Variants in CCDC102A observed in about 807,000 individuals in gnomAD.
CCDC102A encodes the protein coiled-coil domain-containing protein 102A.
Under a neutral mutation model 55.5 loss-of-function variants are expected in CCDC102A, and 40 were observed. That is an observed-to-expected ratio of 0.72 (90% confidence interval 0.56 to 0.94). CCDC102A has a LOEUF of 0.94. Ranked by LOEUF, CCDC102A falls within the 40% of genes least tolerant of loss-of-function variation. The probability of loss-of-function intolerance (pLI) is 0.00; values close to 1 mark genes in which losing one functional copy is unlikely to be tolerated. For synonymous variants in CCDC102A, 323 were observed against 339.0 expected (o/e 0.95, Z 0.52); for missense variants, 779 against 768.6 (o/e 1.01, Z -0.16).
chr16:57,526,974 G>A (rs921559497), intron 2 of CCDC102A, among the ~76,000 whole-genome samples: 1 of 152,196 alleles, frequency 6.6e-6, no homozygotes, highest in Non-Finnish European at 1.5e-5. Context: ...CAGACTGCAA[G>A]CCTAGGGCTC....
intron 7 of CCDC102A, 126 bp from the exon 8 acceptor site, chr16:57,515,570 T>TA: frequency 1.5e-6 from 1 of 686,066 alleles, no homozygotes; most frequent in Admixed American, 2.1e-5. Context: ...GTTTGCTCCT[T>TA]GAGGCCTAGG....
At chr16:57,525,857 C>A in intron 3 of CCDC102A, 44 bp downstream of exon 3, 1 of 1,554,758 alleles carries the variant, frequency 6.4e-7, no homozygotes, top group Non-Finnish European at 8.8e-7. Context: ...CGTTGTAGCA[C>A]GGCCTGGCCC....
intron 8 of CCDC102A, among the ~76,000 whole-genome samples, chr16:57,514,612 A>G (rs1456221743): frequency 7.2e-5 from 11 of 152,214 alleles, no homozygotes; most frequent in African/African-American, 2.2e-4. Context: ...GGTTAAATAA[A>G]TGTCCCAAGG....
At chr16:57,527,769 A>G (rs1414167354) in intron 2 of CCDC102A, among the ~76,000 whole-genome samples, 1 of 152,220 alleles carries the variant, frequency 6.6e-6, no homozygotes, top group East Asian at 1.9e-4. Context: ...TGGAGCAAAT[A>G]TCTTAGAGGG....
intron 1 of CCDC102A, among the ~76,000 whole-genome samples, chr16:57,533,111 A>C (rs1598081760): frequency 6.6e-6 from 1 of 152,178 alleles, no homozygotes; most frequent in African/African-American, 2.4e-5. Flanking sequence ...CCCATGCTAA[A>C]GGCAGAGATG....
chr16:57,525,605 C>A (rs1469537507), intron 3 of CCDC102A, among the ~76,000 whole-genome samples: 2 of 152,126 alleles, frequency 1.3e-5, no homozygotes, highest in African/African-American at 2.4e-5. Context: ...GCCCACAGCC[C>A]TCTCCCCCAA....
At position 57,525,939 on chromosome 16, in the gene CCDC102A, C is replaced by G; in HGVS notation, c.774G>C (p.Arg258=). The change falls in exon 3 of 9, where the codon CGG becomes CGC. Residue 258 remains arginine (R), a synonymous_variant. Transcript: ENST00000258214. ...EASKLTALRL[R]LDESQKVLLK... ...GCAGCACCTTCTGGGACTCATCCAG[C>G]CGTAGCCGCAGGGCGGTCAACTTGG... The G allele has an allele frequency of 6.2e-7, 1 of 1,612,534 alleles. No individual in the cohort carries two copies. The highest frequency in any genetic ancestry group is 1.7e-5 in the Admixed American group (1 of 59,444).
Position 57,529,607 on chromosome 16 carries a change from T to C in CCDC102A, c.-147-283A>G, listed in dbSNP as rs1204894040. On this transcript the variant is annotated intron_variant, in intron 1 of 8. Transcript: ENST00000258214. This position sits in a 1 kb window ranked among gnomAD's most constrained non-coding sequence, Gnocchi z 4.1. ...GCTCACACACTGATGGCTTATACTA[T>C]ACTACTATGCAACTTCCGCACAGGA... 6.6e-6 allele frequency among the ~76,000 whole-genome samples: 1 copy of C among 152,210 alleles called. No individual in the cohort carries two copies. The highest frequency in any genetic ancestry group is 2.1e-4 in the South Asian group (1 of 4,828).
intron 1 of CCDC102A, among the ~76,000 whole-genome samples, chr16:57,530,455 C>T (rs1317171696): frequency 3.3e-5 from 5 of 152,330 alleles, no homozygotes; most frequent in African/African-American, 1.2e-4. Context: ...GCCCCTAAGA[C>T]CCACCCTTTC....
chr16:57,517,944 C>A, intron 6 of CCDC102A, 124 bp downstream of exon 6: 1 of 1,122,384 alleles, frequency 8.9e-7, no homozygotes, highest in South Asian at 1.5e-5. Flanking sequence ...GTCTAGCACA[C>A]AAGGTGCTGA....
intron 3 of CCDC102A, among the ~76,000 whole-genome samples, chr16:57,523,027 C>T (rs1316963440): frequency 2.0e-5 from 3 of 152,132 alleles, no homozygotes; most frequent in Admixed American, 1.3e-4. Context: ...ATTAGCTGGG[C>T]GTGGTGGTGT....
At chr16:57,535,141 T>TATTC (rs1349203962) in intron 1 of CCDC102A, among the ~76,000 whole-genome samples, 2 of 152,020 alleles carry the variant, frequency 1.3e-5, no homozygotes, top group African/African-American at 4.8e-5. Context: ...GACAGCCTGA[T>TATTC]TGAATAAGTG....
At chr16:57,532,928 G>A (rs184329519) in intron 1 of CCDC102A, among the ~76,000 whole-genome samples, 2 of 152,204 alleles carry the variant, frequency 1.3e-5, no homozygotes, top group Non-Finnish European at 2.9e-5. Context: ...TGCAGCCGCT[G>A]AACTAGGAGC....
In CCDC102A at chr16:57,516,174, G is replaced by T. The variant is rs2031951353; in HGVS notation, c.1419+119C>A. 2 of 1,021,258 alleles carry T rather than the reference G, an allele frequency of 2.0e-6. No homozygotes were observed. The highest frequency in any genetic ancestry group is 1.6e-5 in the African/African-American group (1 of 62,928). 63.3% of individuals were successfully genotyped at this position (1,021,258 alleles called of 1,614,324 possible). A position where few individuals can be genotyped will look rare whatever the true frequency, so the allele number is the denominator to read the frequency against. On this transcript the variant is annotated intron_variant, in intron 7 of 8. Transcript: ENST00000258214. The surrounding 1 kb of genome is among the most constrained non-coding windows in gnomAD (Gnocchi z 4.4). ...ACCCACTCTATCCTGGGCGACTCCTGAGAGACAGGCTTGTGCCAGGCACCA... is the reference window on the plus strand; with the variant it reads ...ACCCACTCTATCCTGGGCGACTCCTTAGAGACAGGCTTGTGCCAGGCACCA...
chr16:57,512,186 A>G lies in CCDC102A; in HGVS notation c.*555T>C, dbSNP rs2031873232. 2 of 362,394 alleles carry G rather than the reference A, an allele frequency of 5.5e-6. No individual in the cohort carries two copies. The highest frequency in any genetic ancestry group is 4.7e-5 in the Admixed American group (1 of 21,492). The allele number at this position is 362,394 out of a possible 1,614,324, so 22.4% of individuals were successfully genotyped here. ...CATTCATTCATTCTTTCTTCTTCAC[A>G]TTCACTCATTTATTAAGTTACTTGA... On this transcript the variant is annotated 3_prime_UTR_variant, in exon 9 of 9. Transcript: ENST00000258214.
chr16:57,519,756 G>T (rs1296887144), intron 4 of CCDC102A, among the ~76,000 whole-genome samples: 2 of 152,234 alleles, frequency 1.3e-5, no homozygotes, highest in Non-Finnish European at 2.9e-5. Context: ...AGCCCTGAAA[G>T]GTGCTGATTC....
chr16:57,530,697 C>CT (rs1180636729), intron 1 of CCDC102A, among the ~76,000 whole-genome samples: 2 of 152,254 alleles, frequency 1.3e-5, no homozygotes, highest in Non-Finnish European at 2.9e-5. Context: ...GAAGGCCTCC[C>CT]TCCTGCCAGT....
At chr16:57,536,277 C>T (rs1215204354) in intron 1 of CCDC102A, among the ~76,000 whole-genome samples, 2 of 152,120 alleles carry the variant, frequency 1.3e-5, no homozygotes, top group Non-Finnish European at 2.9e-5. Context: ...CCCCGCGGCC[C>T]CTCCCCACCG....
chr16:57,524,584 T>A (rs59527051), intron 3 of CCDC102A, among the ~76,000 whole-genome samples: 7,061 of 132,374 alleles, frequency 0.053, 537 homozygotes, highest in African/African-American at 0.16. Context: ...CTAAAAAAAA[T>A]ATATATATAT....
Sources: allele counts gnomAD v4.1 joint callset (sites outside exome capture counted in the v4.1 genomes callset), GRCh38; gene constraint gnomAD v4.1.1; non-coding constraint Gnocchi (gnomAD v3.1); transcripts MANE v1.5; gene names NCBI Gene and HGNC (gene_info 2026-07-23, HGNC 2026-07-21).